ERC2: variants seen among roughly 807,000 people sequenced by gnomAD.
ERC2 encodes ERC protein 2.
A neutral mutation model predicts 114.8 loss-of-function variants in ERC2; 42 were observed. The ratio of observed to expected loss-of-function variants is 0.37; its 90% CI spans 0.29 to 0.47. ERC2 has a LOEUF of 0.47. ERC2 is among the 20% of genes least tolerant of loss of function. The pLI is 0.99. For missense variants in ERC2, 939 were observed against 1,150.7 expected (o/e 0.82, Z 2.66); for synonymous variants, 454 against 425.5 (o/e 1.07, Z -0.82).
chr3:55,600,855 C>A (rs9828368), intron 17 of ERC2, among the ~76,000 whole-genome samples: 3,933 of 152,326 alleles, frequency 0.026, 183 homozygotes, highest in African/African-American at 0.089. Flanking sequence ...CAAGTACCCA[C>A]GTGGTTCTTA....
chr3:56,230,535 C>T (rs1395257656), intron 3 of ERC2, among the ~76,000 whole-genome samples: 8 of 152,064 alleles, frequency 5.3e-5, no homozygotes, highest in African/African-American at 2.4e-5. Context: ...GCTGGGATTA[C>T]AGACATGAGC....
intron 14 of ERC2, among the ~76,000 whole-genome samples, chr3:55,863,010 C>T (rs1055283726): frequency 2.6e-5 from 4 of 152,042 alleles, no homozygotes; most frequent in African/African-American, 7.2e-5. Context: ...TCCTTTAAAC[C>T]CTCCACTTCC....
intron 17 of ERC2, among the ~76,000 whole-genome samples, chr3:55,516,513 T>A (rs950926610): frequency 1.6e-5 from 2 of 122,104 alleles, no homozygotes; most frequent in African/African-American, 3.1e-5. Context: ...CAATAAAATG[T>A]AACACTTCAG....
chr3:56,010,679 C>T, intron 8 of ERC2, 90 bp from the exon 9 acceptor site: 1 of 1,390,188 alleles, frequency 7.2e-7, no homozygotes, highest in Non-Finnish European at 9.7e-7. Flanking sequence ...GGCAGTACAT[C>T]TAAGAAATGC....
intron 2 of ERC2, among the ~76,000 whole-genome samples, chr3:56,411,741 A>G (rs758180653): frequency 3.3e-5 from 5 of 152,188 alleles, no homozygotes; most frequent in South Asian, 4.1e-4. Context: ...TGACTTTTCC[A>G]AAGTCACAGG....
intron 1 of ERC2, among the ~76,000 whole-genome samples, chr3:56,438,105 A>C (rs544597058): frequency 2.6e-5 from 4 of 152,340 alleles, no homozygotes; most frequent in African/African-American, 9.6e-5. Context: ...TTGAAAAAAC[A>C]TAGAAATTGA....
At chr3:56,076,477 G>A (rs539256672) in intron 7 of ERC2, among the ~76,000 whole-genome samples, 1 of 152,264 alleles carries the variant, frequency 6.6e-6, no homozygotes, top group Admixed American at 6.5e-5. Context: ...CACTTCATCA[G>A]TTACAGTTTA....
intron 2 of ERC2, among the ~76,000 whole-genome samples, chr3:56,341,704 C>T (rs1162283179): frequency 3.3e-5 from 5 of 152,184 alleles, no homozygotes; most frequent in Non-Finnish European, 7.4e-5. Context: ...ATCCTGTTAG[C>T]AATTCCTGAG....
At chr3:56,143,941 C>T (rs2081005597) in intron 5 of ERC2, among the ~76,000 whole-genome samples, 1 of 152,204 alleles carries the variant, frequency 6.6e-6, no homozygotes, top group Non-Finnish European at 1.5e-5. Flanking sequence ...GTTCAGGTTG[C>T]ATAACTTAGT....
chr3:56,206,859 T>G (rs566119530), intron 3 of ERC2, among the ~76,000 whole-genome samples: 1 of 152,348 alleles, frequency 6.6e-6, no homozygotes, highest in South Asian at 2.1e-4. Context: ...TCACCACTTT[T>G]TAACATATTT....
chr3:56,255,250 C>T (rs1244616805), intron 3 of ERC2, among the ~76,000 whole-genome samples: 1 of 152,174 alleles, frequency 6.6e-6, no homozygotes, highest in African/African-American at 2.4e-5. Flanking sequence ...CTGGTGCCAT[C>T]TACATTTAGG....
chr3:55,619,096 C>T (rs541404625), intron 17 of ERC2, among the ~76,000 whole-genome samples: 11 of 152,148 alleles, frequency 7.2e-5, no homozygotes, highest in African/African-American at 2.2e-4. Context: ...GTACAAATGT[C>T]GAGGACTCCC....
At chr3:56,390,436 T>C (rs2060087608) in intron 2 of ERC2, among the ~76,000 whole-genome samples, 1 of 152,142 alleles carries the variant, frequency 6.6e-6, no homozygotes, top group Admixed American at 6.6e-5. Context: ...ATGAGAATGT[T>C]ATAAGCGATC....
intron 17 of ERC2, among the ~76,000 whole-genome samples, chr3:55,604,706 T>G (rs745487773): frequency 1.3e-5 from 2 of 152,214 alleles, no homozygotes; most frequent in Non-Finnish European, 1.5e-5. Context: ...GAAGGGAGTG[T>G]ATGATGTAAT....
chr3:56,149,743 A>T (rs2149951953), intron 4 of ERC2, among the ~76,000 whole-genome samples: 1 of 152,298 alleles, frequency 6.6e-6, no homozygotes, highest in Non-Finnish European at 1.5e-5. Context: ...CAATGTCATA[A>T]TTTATTTGGC....
At chr3:55,985,320 G>T (rs1209711964) in intron 12 of ERC2, among the ~76,000 whole-genome samples, 1 of 152,162 alleles carries the variant, frequency 6.6e-6, no homozygotes, top group South Asian at 2.1e-4. Context: ...AGTCAACAAT[G>T]AATCAGGTCT....
In ERC2 at chr3:55,670,908, T is replaced by C. The variant is rs1576046721; in HGVS notation, c.*39+12886A>G. Among the ~76,000 whole-genome samples the C allele has an allele frequency of 2.0e-5, 3 of 152,286 alleles. No individual in the cohort carries two copies. The South Asian group carries it at 6.2e-4, about 32-fold the overall frequency. The stretch of plus-strand genomic sequence containing the variant: ...ATTCAAATTTCACTGTCCATAAATA[T>C]AGTTTACAGTGGAACACAGCCATGC... On this transcript the variant is annotated intron_variant, in intron 17 of 17. Transcript: ENST00000288221.
At chr3:55,644,600 A>T (rs1162890209) in intron 17 of ERC2, among the ~76,000 whole-genome samples, 1 of 152,176 alleles carries the variant, frequency 6.6e-6, no homozygotes, top group Non-Finnish European at 1.5e-5. Flanking sequence ...ATATAAAGTC[A>T]TCTGGCAATT....
rs183919494 is a variant in ERC2 at position 55,799,346 on chromosome 3, T to C, written c.2565-64428A>G. The stretch of plus-strand genomic sequence containing the variant: ...TTTCCTTCTTTTCCTTCGGTATTCT[T>C]CCAGGACCACAATTCTTATATATAT... On this transcript the variant is annotated intron_variant, in intron 14 of 17. Coordinates refer to ENST00000288221, the MANE Select transcript of ERC2 (RefSeq NM_015576.3). Among the ~76,000 whole-genome samples the C allele has an allele frequency of 2.4e-3, 352 of 147,610 alleles. 1 individual carries two copies. The highest frequency in any genetic ancestry group is 8.4e-3 in the African/African-American group (334 of 39,830).
Sources: allele counts gnomAD v4.1 joint callset (sites outside exome capture counted in the v4.1 genomes callset), GRCh38; gene constraint gnomAD v4.1.1; transcripts MANE v1.5; gene names NCBI Gene and HGNC (gene_info 2026-07-23, HGNC 2026-07-21).